Variants in EZH2 observed in about 807,000 individuals in gnomAD.
EZH2 encodes the protein enhancer of zeste 2 polycomb repressive complex 2 subunit.
A neutral mutation model predicts 98.4 loss-of-function variants in EZH2; 18 were observed. The ratio of observed to expected loss-of-function variants is 0.18; its 90% confidence interval spans 0.13 to 0.27. The LOEUF is 0.27. Ranked by LOEUF, EZH2 falls within the 10% of genes least tolerant of loss-of-function variation. The probability of loss-of-function intolerance (pLI) is 1.00; values close to 1 mark genes in which losing one functional copy is unlikely to be tolerated. For synonymous variants in EZH2, 338 were observed against 312.3 expected (o/e 1.08, Z -0.87); for missense variants, 470 against 935.1 (o/e 0.50, Z 6.49).
chr7:148,819,834 C>G (rs934129428), intron 8 of EZH2, 147 bp from the exon 9 acceptor site: 10 of 656,270 alleles, frequency 1.5e-5, no homozygotes, highest in Non-Finnish European at 2.3e-5. Context: ...CCTTCAGGCT[C>G]TTACTGAATG....
chr7:148,880,139 A>T (rs537874125), intron 1 of EZH2, among the ~76,000 whole-genome samples: 13 of 152,300 alleles, frequency 8.5e-5, no homozygotes, highest in African/African-American at 3.1e-4. Context: ...TCTAAACACA[A>T]ATTTGTCATA....
rs143965482 is a variant in EZH2 at position 148,811,441 on chromosome 7, G to A, written c.1947+184C>T. Among the ~76,000 whole-genome samples the A allele has an allele frequency of 8.5e-5, 13 of 152,186 alleles. No homozygotes were observed. The East Asian group carries it at 1.5e-3, about 18-fold the overall frequency. On this transcript the variant is annotated intron_variant, in intron 16 of 19. Coordinates refer to ENST00000320356, the MANE Select transcript of EZH2 (RefSeq NM_004456.5). ...GCTGGGATTGCAGGAGTCGGCCACC[G>A]CGCCCAGCACAATCCAGTTACTAAG... is the stretch of plus-strand genomic sequence containing the variant.
At chr7:148,874,834 T>C (rs1292864593) in intron 1 of EZH2, among the ~76,000 whole-genome samples, 4 of 151,578 alleles carry the variant, frequency 2.6e-5, no homozygotes, top group African/African-American at 9.7e-5. Context: ...GAGGCAGAGC[T>C]TGCAGTGAGC....
At chr7:148,824,544 G>A (rs1807120973) in intron 8 of EZH2, among the ~76,000 whole-genome samples, 1 of 152,168 alleles carries the variant, frequency 6.6e-6, no homozygotes, top group Non-Finnish European at 1.5e-5. Flanking sequence ...TGTGGCCTAG[G>A]TGTGTCATGC....
At chr7:148,863,393 G>A (rs1279358521) in intron 1 of EZH2, among the ~76,000 whole-genome samples, 3 of 152,148 alleles carry the variant, frequency 2.0e-5, no homozygotes, top group Admixed American at 1.3e-4. Context: ...GAATTTAAAT[G>A]AAATAATCTG....
In EZH2 at chr7:148,853,417, C is replaced by CA. The variant is rs956850891; in HGVS notation, c.-7-6113dup. Among the ~76,000 whole-genome samples, 758 of 145,778 alleles carry CA rather than the reference C, an allele frequency of 5.2e-3. 9 individuals carry two copies. Among genetic ancestry groups the CA allele is most frequent in the African/African-American group, 0.018 (704 of 39,824 alleles). On this transcript the variant is annotated intron_variant, in intron 1 of 19. Coordinates refer to ENST00000320356, the MANE Select transcript of EZH2 (RefSeq NM_004456.5). Reference sequence around the variant, plus strand: ...ACACAGTGAGACGAGACTCCGTCTCCAAAAAAAAAAGATTCTTTTAAGGAG... The same window carrying CA: ...ACACAGTGAGACGAGACTCCGTCTCCAAAAAAAAAAAGATTCTTTTAAGGAG...
At chr7:148,844,871 C>T (rs971515602) in intron 3 of EZH2, among the ~76,000 whole-genome samples, 3 of 151,938 alleles carry the variant, frequency 2.0e-5, no homozygotes, top group Non-Finnish European at 2.9e-5. Flanking sequence ...TGTGTCTGAG[C>T]AAAGTGTGCT....
At chr7:148,810,096 A>G in intron 17 of EZH2, 1 of 394,492 alleles carries the variant, frequency 2.5e-6, no homozygotes, top group Non-Finnish European at 4.7e-6. Flanking sequence ...ATGCTGGGAT[A>G]GTGCCACCCA....
At chr7:148,823,652 CT>C (rs548755331) in intron 8 of EZH2, among the ~76,000 whole-genome samples, 5,773 of 141,332 alleles carry the variant, frequency 0.041, 294 homozygotes, top group African/African-American at 0.13. Flanking sequence ...CATTTTCATA[CT>C]TTTTTTTTTT....
At chr7:148,807,915 A>G (rs1801944946) in intron 19 of EZH2, among the ~76,000 whole-genome samples, 1 of 152,016 alleles carries the variant, frequency 6.6e-6, no homozygotes, top group South Asian at 2.1e-4. Context: ...TGGCCATCTA[A>G]TTGAGACGCT....
intron 1 of EZH2, among the ~76,000 whole-genome samples, chr7:148,873,162 AAC>A (rs1259401949): frequency 6.6e-6 from 1 of 151,930 alleles, no homozygotes; most frequent in African/African-American, 2.4e-5. Context: ...CAGCCTGGGC[AAC>A]AGAGTGAAAC....
intron 1 of EZH2, among the ~76,000 whole-genome samples, chr7:148,854,511 T>A (rs1384464115): frequency 6.6e-6 from 1 of 151,944 alleles, no homozygotes; most frequent in South Asian, 2.1e-4. Flanking sequence ...TCTGGCCAAA[T>A]AAATGTTTCT....
chr7:148,854,024 C>T (rs552901258), intron 1 of EZH2, among the ~76,000 whole-genome samples: 2 of 152,336 alleles, frequency 1.3e-5, no homozygotes, highest in African/African-American at 4.8e-5. Flanking sequence ...CTACCAGATA[C>T]GCCCCTACTC....
chr7:148,857,243 A>C (rs10952780), intron 1 of EZH2, among the ~76,000 whole-genome samples: 69,996 of 152,050 alleles, frequency 0.46, 16,213 homozygotes, highest in Non-Finnish European at 0.48. Flanking sequence ...TGCTGAGAAC[A>C]ACCACAGATC....
At chr7:148,872,132 C>T (rs1366602874) in intron 1 of EZH2, among the ~76,000 whole-genome samples, 3 of 152,122 alleles carry the variant, frequency 2.0e-5, no homozygotes, top group South Asian at 4.1e-4. Flanking sequence ...ATACATACAA[C>T]GAAATAGTAT....
Position 148,814,174 on chromosome 7 carries a change from C to T in EZH2, c.1673-37G>A, listed in dbSNP as rs374000018. On this transcript the variant is annotated intron_variant, in intron 14 of 19. Transcript: ENST00000320356. ...GGTTTGGAGGTTCTTCACTCATCAC[C>T]GTATGCAAAAACTTGCAGAAAGATA... The T allele has an allele frequency of 2.3e-5, 36 of 1,596,578 alleles. 1 individual carries two copies. The highest frequency in any genetic ancestry group is 2.0e-4 in the Middle Eastern group (1 of 5,038).
At chr7:148,857,348 T>C (rs1390295191) in intron 1 of EZH2, among the ~76,000 whole-genome samples, 2 of 152,222 alleles carry the variant, frequency 1.3e-5, no homozygotes, top group African/African-American at 4.8e-5. Context: ...AAGACATTAG[T>C]GGAATAACTG....
At chr7:148,812,744 A>G (rs1803443126) in intron 15 of EZH2, among the ~76,000 whole-genome samples, 1 of 152,328 alleles carries the variant, frequency 6.6e-6, no homozygotes, top group East Asian at 1.9e-4. Flanking sequence ...CAGGTATGCC[A>G]TCGGAAACGG....
chr7:148,862,316 C>T (rs1817791965), intron 1 of EZH2, among the ~76,000 whole-genome samples: 1 of 152,182 alleles, frequency 6.6e-6, no homozygotes, highest in Non-Finnish European at 1.5e-5. Context: ...CTGAGTTACG[C>T]AGATTTTCCA....
Sources: allele counts gnomAD v4.1 joint callset (sites outside exome capture counted in the v4.1 genomes callset), GRCh38; gene constraint gnomAD v4.1.1; transcripts MANE v1.5; gene names NCBI Gene and HGNC (gene_info 2026-07-23, HGNC 2026-07-21).